PDE4D: variants seen among roughly 807,000 people sequenced by gnomAD.
The protein encoded by PDE4D is 3',5'-cyclic-AMP phosphodiesterase 4D.
PDE4D carries 24 observed loss-of-function variants against 87.4 expected under a neutral mutation model. The observed-to-expected ratio is 0.27, with a 90% CI of 0.20 to 0.39. PDE4D has a LOEUF of 0.39. Among genes scored for constraint, PDE4D ranks in the 10% least tolerant of loss-of-function variants. The pLI, the probability that PDE4D is intolerant of heterozygous loss-of-function variation, is 1.00. For missense variants in PDE4D, 714 were observed against 1,041.0 expected (o/e 0.69, Z 4.32); for synonymous variants, 384 against 383.2 (o/e 1.00, Z -0.02).
Position 58,974,214 on chromosome 5 carries a change from T to G in PDE4D, c.*450A>C, listed in dbSNP as rs1743164638. On this transcript the variant is annotated 3_prime_UTR_variant, in exon 15 of 15. Transcript: ENST00000340635. ...TTTCTGTGGCTCATCCTCCTCCTAC[T>G]GGTAACAGATTCGTGCTATGTCCTG... is the stretch of plus-strand genomic sequence containing the variant. 6.5e-6 allele frequency: 1 copy of G among 153,004 alleles called. No homozygotes were observed. The highest frequency in any genetic ancestry group is 1.5e-5 in the Non-Finnish European group (1 of 68,600). 9.5% of individuals were successfully genotyped at this position (153,004 alleles called of 1,614,324 possible). A position where few individuals can be genotyped will look rare whatever the true frequency, so the allele number is the denominator to read the frequency against.
intron 5 of PDE4D, among the ~76,000 whole-genome samples, chr5:59,091,669 T>C (rs1768759197): frequency 6.6e-6 from 1 of 152,112 alleles, no homozygotes; most frequent in Admixed American, 6.6e-5. Context: ...AAGATAGTGG[T>C]GACCTATCTG....
At chr5:59,700,505 A>G (rs1752411334) in intron 1 of PDE4D, among the ~76,000 whole-genome samples, 1 of 152,218 alleles carries the variant, frequency 6.6e-6, no homozygotes, top group Non-Finnish European at 1.5e-5. Flanking sequence ...TATGGGAGAA[A>G]AAAATCACGT....
chr5:59,486,534 A>G (rs1251408473), intron 1 of PDE4D, among the ~76,000 whole-genome samples: 1 of 152,240 alleles, frequency 6.6e-6, no homozygotes. Context: ...GCCCTATTGC[A>G]TGCTTTATAC....
chr5:60,104,525 C>T (rs1297579003), intron 2 of PDE4D, among the ~76,000 whole-genome samples: 1 of 152,226 alleles, frequency 6.6e-6, no homozygotes, highest in African/African-American at 2.4e-5. Context: ...TCCCAGCATG[C>T]AGCTGGAGAT....
chr5:59,007,699 C>G (rs1751914533), intron 6 of PDE4D, among the ~76,000 whole-genome samples: 1 of 152,044 alleles, frequency 6.6e-6, no homozygotes, highest in African/African-American at 2.4e-5. Context: ...AAAAACTATT[C>G]CTTTCAGTAA....
At chr5:59,804,290 A>G (rs1268837407) in intron 1 of PDE4D, among the ~76,000 whole-genome samples, 1 of 152,156 alleles carries the variant, frequency 6.6e-6, no homozygotes, top group Non-Finnish European at 1.5e-5. Context: ...TCCATTCCTG[A>G]GTTACGTCTC....
intron 1 of PDE4D, among the ~76,000 whole-genome samples, chr5:60,366,417 G>C (rs573872530): frequency 1.3e-5 from 2 of 152,274 alleles, no homozygotes; most frequent in Admixed American, 1.3e-4. Context: ...ATTGTTTCAA[G>C]CATAAGGCAC....
chr5:59,912,449 T>C (rs889108122), intron 3 of PDE4D, among the ~76,000 whole-genome samples: 9 of 152,228 alleles, frequency 5.9e-5, no homozygotes, highest in African/African-American at 2.2e-4. Flanking sequence ...TGATGAGATA[T>C]GCATATTATC....
chr5:60,184,782 G>T (rs1307235404), intron 2 of PDE4D, among the ~76,000 whole-genome samples: 1 of 152,168 alleles, frequency 6.6e-6, no homozygotes, highest in African/African-American at 2.4e-5. Flanking sequence ...TGCATTTGTG[G>T]TTTTTCTGAT....
Position 59,355,816 on chromosome 5 carries a change from T to C in PDE4D, c.456-139848A>G, listed in dbSNP as rs114045328. Among the ~76,000 whole-genome samples the C allele has an allele frequency of 5.2e-3, 786 of 152,278 alleles. 9 individuals are homozygous for C. The highest frequency in any genetic ancestry group is 0.018 in the African/African-American group (749 of 41,578). On this transcript the variant is annotated intron_variant, in intron 1 of 14. Transcript: ENST00000340635. ...GTGTCTAAAGCAAATAATTAATCCT[T>C]ATAAATTATTTTAATTCAAACTTTG...
chr5:60,438,142 A>G (rs1199013920), intron 1 of PDE4D, among the ~76,000 whole-genome samples: 1 of 152,146 alleles, frequency 6.6e-6, no homozygotes, highest in Non-Finnish European at 1.5e-5. Flanking sequence ...CATAGTGGAG[A>G]GAAATCATTT....
At chr5:59,932,274 C>A (rs1199318802) in intron 3 of PDE4D, among the ~76,000 whole-genome samples, 1 of 152,068 alleles carries the variant, frequency 6.6e-6, no homozygotes, top group African/African-American at 2.4e-5. Flanking sequence ...CTGACTATAC[C>A]AACAAAGAAA....
chr5:59,050,216 G>A (rs911998391), intron 5 of PDE4D, among the ~76,000 whole-genome samples: 4 of 152,116 alleles, frequency 2.6e-5, no homozygotes, highest in East Asian at 3.9e-4. Context: ...ACAGTGAGCC[G>A]AGATTGTGCC....
At chr5:59,931,573 C>A (rs963409286) in intron 3 of PDE4D, among the ~76,000 whole-genome samples, 2 of 152,080 alleles carry the variant, frequency 1.3e-5, no homozygotes, top group African/African-American at 4.8e-5. Flanking sequence ...CCTTCCAGTC[C>A]CAATCCCATG....
chr5:59,976,333 T>C (rs1761327259), intron 3 of PDE4D, among the ~76,000 whole-genome samples: 1 of 152,166 alleles, frequency 6.6e-6, no homozygotes, highest in Admixed American at 6.5e-5. Context: ...TGATTCCCAA[T>C]GTTGATGGTG....
At chr5:59,462,067 A>G (rs1384405803) in intron 1 of PDE4D, among the ~76,000 whole-genome samples, 1 of 152,164 alleles carries the variant, frequency 6.6e-6, no homozygotes, top group Non-Finnish European at 1.5e-5. Flanking sequence ...GGAGGCAAAT[A>G]ACATAAGACA....
In PDE4D at chr5:59,398,608, A is replaced by T; in HGVS notation, c.456-182640T>A. ...AAATAATAAGAGCTATCTATGACAA[A>T]CCCACAGCCAATATCATACTGAATG... On this transcript the variant is annotated intron_variant, in intron 1 of 14. Coordinates refer to ENST00000340635, the MANE Select transcript of PDE4D (RefSeq NM_001104631.2). Among the ~76,000 whole-genome samples, 2 of 116,796 alleles carry T rather than the reference A, an allele frequency of 1.7e-5. 1 individual carries two copies. 76.6% of individuals were successfully genotyped at this position (116,796 alleles called of 152,430 possible). A position where few individuals can be genotyped will look rare whatever the true frequency, so the allele number is the denominator to read the frequency against.
chr5:59,265,564 A>C (rs2153538065), intron 1 of PDE4D, among the ~76,000 whole-genome samples: 1 of 152,242 alleles, frequency 6.6e-6, no homozygotes, highest in African/African-American at 2.4e-5. Flanking sequence ...AAAATGCATA[A>C]TATAAGCTAA....
chr5:59,733,777 T>G (rs1313300755), intron 1 of PDE4D, among the ~76,000 whole-genome samples: 3 of 152,076 alleles, frequency 2.0e-5, no homozygotes, highest in Non-Finnish European at 4.4e-5. Context: ...GTCTTTAATT[T>G]CTTAATTATT....
Sources: allele counts gnomAD v4.1 joint callset (sites outside exome capture counted in the v4.1 genomes callset), GRCh38; gene constraint gnomAD v4.1.1; transcripts MANE v1.5; gene names NCBI Gene and HGNC (gene_info 2026-07-23, HGNC 2026-07-21).